The following VAV2 variants were observed in gnomAD, a reference collection of about 807,000 sequenced individuals.
VAV2 encodes the protein vav guanine nucleotide exchange factor 2.
Under a neutral mutation model 132.5 loss-of-function variants are expected in VAV2, and 67 were observed. The observed-to-expected ratio is 0.51, with a 90% confidence interval of 0.42 to 0.62. VAV2 has a LOEUF of 0.62. VAV2 is among the 20% of genes least tolerant of loss of function. The pLI, the probability that VAV2 is intolerant of heterozygous loss-of-function variation, is 0.00. For synonymous variants in VAV2, 492 were observed against 443.5 expected (o/e 1.11, Z -1.37); for missense variants, 938 against 1,153.6 (o/e 0.81, Z 2.71).
intron 2 of VAV2, among the ~76,000 whole-genome samples, chr9:133,866,020 C>A (rs1050123753): frequency 1.3e-5 from 2 of 152,208 alleles, no homozygotes; most frequent in Admixed American, 6.5e-5. Flanking sequence ...GCTCTCTGGT[C>A]CCCATTCCAT....
intron 22 of VAV2, among the ~76,000 whole-genome samples, 200 bp from the exon 23 acceptor site, chr9:133,777,663 C>G (rs1011164823): frequency 6.6e-6 from 1 of 152,088 alleles, no homozygotes; most frequent in Non-Finnish European, 1.5e-5. Context: ...CATGAGAGCA[C>G]TAAGGCCTGG....
chr9:133,975,684 G>A (rs1029840738), intron 1 of VAV2, among the ~76,000 whole-genome samples: 4 of 152,202 alleles, frequency 2.6e-5, no homozygotes, highest in African/African-American at 4.8e-5. Context: ...AAGCCCACAC[G>A]GGGCTGCTCA....
rs896368937 is a variant in VAV2, at chr9:133,926,219, G to A, written c.321+12884C>T. The A allele has an allele frequency of 6.6e-6, 1 of 152,312 alleles. No individual in the cohort carries two copies. The highest frequency in any genetic ancestry group is 6.5e-5 in the Admixed American group (1 of 15,278). The allele number at this position is 152,312 out of a possible 1,614,324, so 9.4% of individuals were successfully genotyped here. A position where few individuals can be genotyped will look rare whatever the true frequency, so the allele number is the denominator to read the frequency against. The stretch of plus-strand genomic sequence containing the variant: ...GAGCAGTGACCAGTCCACGTACAAT[G>A]AGAAACAATGGCAGGGCCTGAGCAC... On this transcript the variant is annotated intron_variant, in intron 2 of 29. Transcript: ENST00000371850. This position sits in a 1 kb window ranked among gnomAD's most constrained non-coding sequence, Gnocchi z 4.3.
chr9:133,861,235 C>A, intron 3 of VAV2, 139 bp downstream of exon 3: 26 of 858,694 alleles, frequency 3.0e-5, no homozygotes, highest in Admixed American at 7.5e-5. Flanking sequence ...CAACGGGTTA[C>A]GCGACAACAC....
At chr9:133,849,967 G>A (rs1440332793) in intron 3 of VAV2, among the ~76,000 whole-genome samples, 1 of 152,172 alleles carries the variant, frequency 6.6e-6, no homozygotes, top group East Asian at 1.9e-4. Context: ...TACAGCTTTT[G>A]GGGAACACCA....
intron 1 of VAV2, among the ~76,000 whole-genome samples, chr9:133,979,112 T>G (rs1842609213): frequency 6.6e-6 from 1 of 152,144 alleles, no homozygotes; most frequent in Non-Finnish European, 1.5e-5. Flanking sequence ...CGGAAGAGCT[T>G]TCGTGCCAGG....
chr9:133,936,404 A>G (rs1840910676), intron 2 of VAV2, among the ~76,000 whole-genome samples: 1 of 151,912 alleles, frequency 6.6e-6, no homozygotes, highest in Non-Finnish European at 1.5e-5. Flanking sequence ...CAGCACACCC[A>G]GCTGCTTTTT....
intron 1 of VAV2, among the ~76,000 whole-genome samples, chr9:133,977,066 G>T (rs1469976469): frequency 2.0e-5 from 3 of 152,340 alleles, no homozygotes; most frequent in East Asian, 3.9e-4. Context: ...GAGGTGCTGG[G>T]AGTTGCGGAG....
At chr9:133,952,651 A>G (rs1717913632) in intron 1 of VAV2, among the ~76,000 whole-genome samples, 1 of 151,948 alleles carries the variant, frequency 6.6e-6, no homozygotes, top group South Asian at 2.1e-4. Flanking sequence ...ATAATCCCAG[A>G]TTACCCAGTA....
intron 16 of VAV2, among the ~76,000 whole-genome samples, chr9:133,786,369 T>TGTGCTCTCCTGTGG (rs1046026116): frequency 1.2e-4 from 16 of 129,288 alleles, no homozygotes; most frequent in Admixed American, 1.1e-3. Flanking sequence ...CTCTCCTGTG[T>TGTGCTCTCCTGTGG]GTGCTCTCCT....
chr9:133,978,413 G>C (rs917815836), intron 1 of VAV2, among the ~76,000 whole-genome samples: 2 of 152,274 alleles, frequency 1.3e-5, no homozygotes, highest in African/African-American at 4.8e-5. Flanking sequence ...AGGGCTGGGA[G>C]GCCTTGAGGA....
At chr9:133,849,603 C>A (rs1430632864) in intron 3 of VAV2, among the ~76,000 whole-genome samples, 1 of 152,210 alleles carries the variant, frequency 6.6e-6, no homozygotes, top group Non-Finnish European at 1.5e-5. Context: ...ACAGAAATTT[C>A]TTCTCTCCAG....
At chr9:133,982,094 G>A (rs992001074) in intron 1 of VAV2, among the ~76,000 whole-genome samples, 1 of 152,220 alleles carries the variant, frequency 6.6e-6, no homozygotes, top group Non-Finnish European at 1.5e-5. Flanking sequence ...AGGCCTGGGG[G>A]CAGGAAAGGC....
At chr9:133,886,344 C>T (rs539481048) in intron 2 of VAV2, among the ~76,000 whole-genome samples, 36 of 152,316 alleles carry the variant, frequency 2.4e-4, no homozygotes, top group African/African-American at 7.7e-4. Flanking sequence ...CAGAGCCTAC[C>T]GCGTGCCTAA....
chr9:133,936,242 C>CTT (rs35091336), intron 2 of VAV2, among the ~76,000 whole-genome samples: 2,558 of 134,848 alleles, frequency 0.019, 75 homozygotes, highest in African/African-American at 0.06. Flanking sequence ...GCCATTGCGT[C>CTT]TTTTTTTTTT....
intron 1 of VAV2, among the ~76,000 whole-genome samples, chr9:133,953,184 C>T (rs1048231326): frequency 2.0e-5 from 3 of 152,246 alleles, no homozygotes; most frequent in Admixed American, 6.5e-5. Flanking sequence ...CCTGCTGACA[C>T]CTTGGTTTCA....
chr9:133,863,461 G>C lies in VAV2; in HGVS notation c.322-2029C>G, dbSNP rs551479544. ...TCGTACAGATGGAACCGGAGACAGA[G>C]AGGAGGCGTGGCGGGCGAGCCAGCC... On this transcript the variant is annotated intron_variant, in intron 2 of 29. Coordinates refer to ENST00000371850, the MANE Select transcript of VAV2 (RefSeq NM_001134398.2). This position sits in a 1 kb window ranked among gnomAD's most constrained non-coding sequence, Gnocchi z 5.0. Among the ~76,000 whole-genome samples, 2 of 152,336 alleles carry C rather than the reference G, an allele frequency of 1.3e-5. No individual in the cohort carries two copies. The highest frequency in any genetic ancestry group is 2.1e-4 in the South Asian group (1 of 4,828).
chr9:133,984,181 C>T (rs142057248), intron 1 of VAV2, among the ~76,000 whole-genome samples: 1,652 of 152,254 alleles, frequency 0.011, 14 homozygotes, highest in Non-Finnish European at 0.016. Flanking sequence ...ACCATGTTGG[C>T]CAAGCTGGTC....
chr9:133,845,637 C>T (rs1258128092), intron 3 of VAV2, among the ~76,000 whole-genome samples: 2 of 152,204 alleles, frequency 1.3e-5, no homozygotes, highest in East Asian at 1.9e-4. Context: ...CGGGGCCTCA[C>T]GTTGGAGGAT....
Sources: gnomAD v4.1 joint callset for allele counts (sites outside exome capture counted in the v4.1 genomes callset) on GRCh38, gnomAD v4.1.1 for gene constraint, Gnocchi (gnomAD v3.1) non-coding constraint, MANE v1.5 for transcripts, NCBI Gene and HGNC (gene_info 2026-07-23, HGNC 2026-07-21) for gene names.